PRDM1: variants seen among roughly 807,000 people sequenced by gnomAD.
PRDM1 encodes the protein PR/SET domain 1.
PRDM1 carries 13 observed loss-of-function variants against 62.8 expected under a neutral mutation model. The observed-to-expected ratio is 0.21, with a 90% CI of 0.13 to 0.33. PRDM1 has a LOEUF of 0.33. Among genes scored for constraint, PRDM1 ranks in the 10% least tolerant of loss-of-function variants. The pLI is 1.00. For synonymous variants in PRDM1, 396 were observed against 417.6 expected (o/e 0.95, Z 0.63); for missense variants, 895 against 1,058.8 (o/e 0.85, Z 2.15).
chr6:106,059,957 G>T (rs1182250347), intron 1 of PRDM1, among the ~76,000 whole-genome samples: 1 of 152,150 alleles, frequency 6.6e-6, no homozygotes, highest in Non-Finnish European at 1.5e-5. Flanking sequence ...TGGAAAGAGA[G>T]AATCAGTTCT....
chr6:106,067,960 T>A (rs998399318), intron 1 of PRDM1, among the ~76,000 whole-genome samples: 87 of 152,172 alleles, frequency 5.7e-4, no homozygotes, highest in African/African-American at 2.1e-3. Context: ...TTTTAAAAAA[T>A]TCAAAGCAAT....
chr6:106,051,147 C>T (rs1773167124), intron 1 of PRDM1, among the ~76,000 whole-genome samples: 1 of 152,120 alleles, frequency 6.6e-6, no homozygotes, highest in African/African-American at 2.4e-5. Flanking sequence ...GAGCATTGAG[C>T]CCGACTGAAG....
intron 1 of PRDM1, among the ~76,000 whole-genome samples, chr6:106,066,366 A>C (rs560905087): frequency 4.3e-4 from 66 of 152,344 alleles, no homozygotes; most frequent in Non-Finnish European, 7.8e-4. Flanking sequence ...CGGTCACGTC[A>C]GTCTTAGAAC....
chr6:106,000,932 T>G (rs2114542155), intron 1 of PRDM1, among the ~76,000 whole-genome samples: 1 of 152,330 alleles, frequency 6.6e-6, no homozygotes, highest in East Asian at 1.9e-4. Flanking sequence ...ATATGAATAT[T>G]ATCAACTTTG....
At position 106,039,479 on chromosome 6, in the gene PRDM1, C is replaced by T. The variant is rs74629222; in HGVS notation, c.-67+45840C>T. Among the ~76,000 whole-genome samples the T allele has an allele frequency of 6.1e-4, 93 of 152,298 alleles. No homozygotes were observed. The East Asian group carries it at 0.017, about 28-fold the overall frequency. ...TGATGATAGAAAGATGGATTATCCT[C>T]TATAGCTACTATTTTGGTTACTCAT... On this transcript the variant is annotated intron_variant, in intron 1 of 6. Transcript: ENST00000652320.
At chr6:105,995,881 C>T (rs535649975) in intron 1 of PRDM1, among the ~76,000 whole-genome samples, 3 of 152,250 alleles carry the variant, frequency 2.0e-5, no homozygotes, top group African/African-American at 4.8e-5. Flanking sequence ...AATTAAAATA[C>T]GATGCTTTTA....
At chr6:106,034,878 T>C (rs9372116) in intron 1 of PRDM1, among the ~76,000 whole-genome samples, 138,131 of 152,084 alleles carry the variant, frequency 0.91, 62,855 homozygotes, top group African/African-American at 0.95. Flanking sequence ...GTGATCTACC[T>C]GCCTTAGCCT....
chr6:105,994,476 T>TGG lies in PRDM1; in HGVS notation c.-67+837_-67+838insGG, dbSNP rs1772321816. ...ATAGCTTTTCTATTACGTTTCTTGT[T>TGG]CTCCGAGCTCGAGCCCCCTTTTAAA... On this transcript the variant is annotated intron_variant, in intron 1 of 6. Transcript: ENST00000652320. This position sits in a 1 kb window ranked among gnomAD's most constrained non-coding sequence, Gnocchi z 4.1. Among the ~76,000 whole-genome samples, 1 of 152,110 alleles carries TGG rather than the reference T, an allele frequency of 6.6e-6. No homozygotes were observed. The highest frequency in any genetic ancestry group is 2.4e-5 in the African/African-American group (1 of 41,422).
intron 1 of PRDM1, among the ~76,000 whole-genome samples, chr6:106,069,074 C>G (rs540682891): frequency 1.3e-5 from 2 of 152,204 alleles, no homozygotes; most frequent in East Asian, 3.9e-4. Flanking sequence ...CTAGCCATTG[C>G]CTTTGGATGG....
chr6:106,026,132 A>G (rs1772762678), intron 1 of PRDM1, among the ~76,000 whole-genome samples: 1 of 152,290 alleles, frequency 6.6e-6, no homozygotes, highest in African/African-American at 2.4e-5. Context: ...TTTCTTTTTC[A>G]TTGTAATATA....
At chr6:106,079,000 G>A (rs1032873582) in intron 1 of PRDM1, among the ~76,000 whole-genome samples, 29 of 151,416 alleles carry the variant, frequency 1.9e-4, no homozygotes, top group African/African-American at 6.1e-4. Flanking sequence ...TTACTCTGTC[G>A]CCCAGGCTGG....
Position 106,106,773 on chromosome 6 carries a change from C to T in PRDM1, c.1903-138C>T, listed in dbSNP as rs1450290435. The T allele has an allele frequency of 9.6e-7, 1 of 1,038,710 alleles. No individual in the cohort carries two copies. Among genetic ancestry groups the T allele is most frequent in the South Asian group, 1.5e-5 (1 of 64,638 alleles). 64.3% of individuals were successfully genotyped at this position (1,038,710 alleles called of 1,614,324 possible). On this transcript the variant is annotated intron_variant, in intron 6 of 6. Transcript: ENST00000369096. This position sits in a 1 kb window ranked among gnomAD's most constrained non-coding sequence, Gnocchi z 4.4. ...ATCCCCCCGTTTGCTTAATACCACA[C>T]TGGAGGTGCCACAAGGAGGCTTCTC...
chr6:106,046,410 G>A (rs904266348), upstream of PRDM1: 1 of 152,284 alleles, frequency 6.6e-6, no homozygotes, highest in African/African-American at 2.4e-5. Context: ...TGTGTCTCTA[G>A]TTGTTCTCCC....
At chr6:106,038,014 C>CTTTTTTTTTTTTTTCTTTTTT (rs1772945434) in intron 1 of PRDM1, among the ~76,000 whole-genome samples, 1 of 47,800 alleles carries the variant, frequency 2.1e-5, no homozygotes. Context: ...CTATTTTTGT[C>CTTTTTTTTTTTTTTCTTTTTT]TTTTTTTTTT....
intron 1 of PRDM1, among the ~76,000 whole-genome samples, chr6:106,056,242 G>A (rs1426607077): frequency 1.3e-5 from 2 of 152,116 alleles, no homozygotes; most frequent in Non-Finnish European, 2.9e-5. Flanking sequence ...TCCTGCAAGT[G>A]AGCCCTCAGC....
chr6:106,078,542 CA>C (rs1773638407), intron 1 of PRDM1, among the ~76,000 whole-genome samples: 1 of 152,200 alleles, frequency 6.6e-6, no homozygotes, highest in East Asian at 1.9e-4. Flanking sequence ...TTGAATTTAA[CA>C]TTCATTTATA....
intron 1 of PRDM1, among the ~76,000 whole-genome samples, chr6:106,040,940 T>G (rs1772985931): frequency 6.6e-6 from 1 of 152,244 alleles, no homozygotes; most frequent in Admixed American, 6.5e-5. Context: ...TTCAATGCTA[T>G]GTTTGACTAT....
chr6:106,097,541 T>G (rs1774144146), intron 3 of PRDM1, among the ~76,000 whole-genome samples: 1 of 152,222 alleles, frequency 6.6e-6, no homozygotes, highest in Admixed American at 6.5e-5. Context: ...GATGTTCAAG[T>G]TGAGAAACCA....
rs1448574032 is a variant in PRDM1, at chr6:105,994,575, CGAGGT to C, written c.-67+941_-67+945del. Reference sequence around the variant, plus strand: ...TTTCCGAATGCTGAGTTCATTTGGACGAGGTGAGGAGAACTAGGGTCCTAACAGCA... The same window carrying C: ...TTTCCGAATGCTGAGTTCATTTGGACGAGGAGAACTAGGGTCCTAACAGCA... On this transcript the variant is annotated intron_variant, in intron 1 of 6. Coordinates refer to the PRDM1 transcript ENST00000652320. This position sits in a 1 kb window ranked among gnomAD's most constrained non-coding sequence, Gnocchi z 4.1. Among the ~76,000 whole-genome samples, 1 of 152,052 alleles carries C rather than the reference CGAGGT, an allele frequency of 6.6e-6. No individual in the cohort carries two copies. Among genetic ancestry groups the C allele is most frequent in the Non-Finnish European group, 1.5e-5 (1 of 68,004 alleles).
Sources: gnomAD v4.1 joint callset for allele counts (sites outside exome capture counted in the v4.1 genomes callset) on GRCh38, gnomAD v4.1.1 for gene constraint, Gnocchi (gnomAD v3.1) non-coding constraint, MANE v1.5 for transcripts, NCBI Gene and HGNC (gene_info 2026-07-23, HGNC 2026-07-21) for gene names.